The following POU6F2 variants were observed in gnomAD, a reference collection of about 807,000 sequenced individuals.
POU6F2 encodes POU domain, class 6, transcription factor 2.
Under a neutral mutation model 71.3 loss-of-function variants are expected in POU6F2, and 31 were observed. That is an observed-to-expected ratio of 0.43 (90% CI 0.33 to 0.59). The LOEUF is 0.59. Among genes scored for constraint, POU6F2 ranks in the 20% least tolerant of loss-of-function variants. The pLI is 0.04. For missense variants in POU6F2, 783 were observed against 856.8 expected (o/e 0.91, Z 1.07); for synonymous variants, 347 against 355.7 (o/e 0.98, Z 0.27).
chr7:39,439,981 C>A (rs1169746185), intron 7 of POU6F2, among the ~76,000 whole-genome samples: 1 of 152,146 alleles, frequency 6.6e-6, no homozygotes, highest in South Asian at 2.1e-4. Flanking sequence ...ATTGAAAATT[C>A]TTTTCTTTAA....
intron 7 of POU6F2, among the ~76,000 whole-genome samples, chr7:39,443,551 A>G (rs1788458632): frequency 6.6e-6 from 1 of 152,236 alleles, no homozygotes; most frequent in Non-Finnish European, 1.5e-5. Flanking sequence ...AAATGAATGA[A>G]TGACTTTATT....
chr7:39,067,482 A>G (rs1790782224), intron 1 of POU6F2, among the ~76,000 whole-genome samples: 3 of 152,018 alleles, frequency 2.0e-5, no homozygotes, highest in African/African-American at 7.2e-5. Context: ...ATCAAACGGA[A>G]ATAACAAATT....
chr7:39,422,766 A>G (rs1025596025), intron 6 of POU6F2, among the ~76,000 whole-genome samples: 3 of 152,276 alleles, frequency 2.0e-5, no homozygotes, highest in Admixed American at 6.5e-5. Flanking sequence ...GTCCCAGTAG[A>G]TCGACTTCCC....
chr7:39,004,717 A>C (rs1374574082), intron 1 of POU6F2, among the ~76,000 whole-genome samples: 1 of 152,238 alleles, frequency 6.6e-6, no homozygotes, highest in Non-Finnish European at 1.5e-5. Context: ...GGGACTAAAA[A>C]GTAAAATAGG....
Position 39,089,405 on chromosome 7 carries a change from C to G in POU6F2, c.277+3374C>G, listed in dbSNP as rs190448706. Among the ~76,000 whole-genome samples, 1,038 of 152,232 alleles carry G rather than the reference C, an allele frequency of 6.8e-3. 5 individuals are homozygous for G. The highest frequency in any genetic ancestry group is 0.01 in the Non-Finnish European group (706 of 68,028). On this transcript the variant is annotated intron_variant, in intron 2 of 9. Coordinates refer to ENST00000518318, the MANE Select transcript of POU6F2 (RefSeq NM_001370959.1). ...GGTGGGGGATTATCAGAGAATCTGGCGCTGTGTCTCACAGGGCTTTAGCTG... is the reference window on the plus strand; with the variant it reads ...GGTGGGGGATTATCAGAGAATCTGGGGCTGTGTCTCACAGGGCTTTAGCTG...
At chr7:39,351,451 C>A (rs1786137953) in intron 5 of POU6F2, among the ~76,000 whole-genome samples, 1 of 152,278 alleles carries the variant, frequency 6.6e-6, no homozygotes, top group Non-Finnish European at 1.5e-5. Flanking sequence ...CTGGTGATTC[C>A]TATTTGATAT....
chr7:39,178,806 A>G (rs1292152317), intron 2 of POU6F2, among the ~76,000 whole-genome samples: 2 of 152,158 alleles, frequency 1.3e-5, no homozygotes, highest in South Asian at 2.1e-4. Flanking sequence ...TTTACCTTCT[A>G]CTTGTTGGCT....
At chr7:38,995,392 G>C (rs977108049) in intron 1 of POU6F2, among the ~76,000 whole-genome samples, 1 of 152,136 alleles carries the variant, frequency 6.6e-6, no homozygotes, top group Non-Finnish European at 1.5e-5. Flanking sequence ...GTGGTTAAGA[G>C]AGGACTGAAA....
chr7:39,295,354 G>A (rs566223570), intron 4 of POU6F2, among the ~76,000 whole-genome samples: 1 of 152,276 alleles, frequency 6.6e-6, no homozygotes, highest in Non-Finnish European at 1.5e-5. Flanking sequence ...GGTGGCTCAC[G>A]CCTGTAATCC....
At chr7:39,125,089 T>C (rs186876291) in intron 2 of POU6F2, among the ~76,000 whole-genome samples, 1 of 152,238 alleles carries the variant, frequency 6.6e-6, no homozygotes, top group East Asian at 1.9e-4. Flanking sequence ...CAATCCTTTT[T>C]TTCTTTTCCT....
intron 4 of POU6F2, among the ~76,000 whole-genome samples, chr7:39,321,540 G>GA (rs1193895710): frequency 6.6e-6 from 1 of 152,170 alleles, no homozygotes; most frequent in Non-Finnish European, 1.5e-5. Flanking sequence ...GAAGGGAGAT[G>GA]ATGTGTACTC....
intron 5 of POU6F2, among the ~76,000 whole-genome samples, chr7:39,388,811 C>A (rs1379064985): frequency 1.3e-5 from 2 of 152,140 alleles, no homozygotes; most frequent in East Asian, 3.8e-4. Flanking sequence ...TATTTGAAAC[C>A]ATTTCTACTT....
At chr7:39,168,203 G>A (rs572392557) in intron 2 of POU6F2, among the ~76,000 whole-genome samples, 3 of 152,158 alleles carry the variant, frequency 2.0e-5, no homozygotes, top group African/African-American at 7.2e-5. Context: ...TTTATTTCTC[G>A]AGAGCCTTCA....
chr7:39,089,373 G>T (rs1791317932), intron 2 of POU6F2, among the ~76,000 whole-genome samples: 1 of 152,198 alleles, frequency 6.6e-6, no homozygotes, highest in Non-Finnish European at 1.5e-5. Flanking sequence ...GCTTGCATGT[G>T]GTTGGGGGTG....
chr7:39,366,908 G>A (rs185056355), intron 5 of POU6F2, among the ~76,000 whole-genome samples: 87 of 152,250 alleles, frequency 5.7e-4, no homozygotes, highest in African/African-American at 2.1e-3. Flanking sequence ...GATACAAGAT[G>A]TCAGGGCTTA....
intron 5 of POU6F2, among the ~76,000 whole-genome samples, chr7:39,356,003 CAG>C (rs1786248543): frequency 6.6e-6 from 1 of 152,108 alleles, no homozygotes; most frequent in Non-Finnish European, 1.5e-5. Flanking sequence ...TCAGAGAAGT[CAG>C]GGGCTGTCGA....
chr7:39,310,184 A>G (rs115732258), intron 4 of POU6F2, among the ~76,000 whole-genome samples: 2,011 of 152,300 alleles, frequency 0.013, 40 homozygotes, highest in African/African-American at 0.046. Context: ...ATGAGCGGAA[A>G]AAGAGAAAGA....
At chr7:39,024,950 A>G (rs1345204422) in intron 1 of POU6F2, among the ~76,000 whole-genome samples, 2 of 152,190 alleles carry the variant, frequency 1.3e-5, no homozygotes, top group African/African-American at 4.8e-5. Flanking sequence ...TATCAAGGAT[A>G]TTAGTCTAAA....
chr7:39,267,759 T>G (rs1371305949), intron 4 of POU6F2, among the ~76,000 whole-genome samples: 1 of 152,152 alleles, frequency 6.6e-6, no homozygotes, highest in Non-Finnish European at 1.5e-5. Context: ...TGTGGGCCAT[T>G]GCACCTGACT....
Sources: allele counts gnomAD v4.1 joint callset (sites outside exome capture counted in the v4.1 genomes callset), GRCh38; gene constraint gnomAD v4.1.1; transcripts MANE v1.5; gene names NCBI Gene and HGNC (gene_info 2026-07-23, HGNC 2026-07-21).